The following PRKG1 variants were observed in gnomAD, a reference collection of about 807,000 sequenced individuals.
PRKG1 encodes protein kinase cGMP-dependent 1.
In PRKG1, 35 loss-of-function variants were observed where a neutral mutation model predicts 88.1. That is an observed-to-expected ratio of 0.40 (90% CI 0.30 to 0.53). The LOEUF is 0.53. Among genes scored for constraint, PRKG1 ranks in the 20% least tolerant of loss-of-function variants. The pLI, the probability that PRKG1 is intolerant of heterozygous loss-of-function variation, is 0.59. For missense variants in PRKG1, 540 were observed against 839.8 expected (o/e 0.64, Z 4.41); for synonymous variants, 303 against 292.5 (o/e 1.04, Z -0.37).
At chr10:51,945,596 G>A (rs1324912370) in intron 5 of PRKG1, among the ~76,000 whole-genome samples, 1 of 151,878 alleles carries the variant, frequency 6.6e-6, no homozygotes, top group Non-Finnish European at 1.5e-5. Context: ...GCTGGTATGG[G>A]TTGTTCCTTT....
At chr10:51,857,763 T>C (rs1330746683) in intron 4 of PRKG1, among the ~76,000 whole-genome samples, 1 of 152,116 alleles carries the variant, frequency 6.6e-6, no homozygotes, top group Non-Finnish European at 1.5e-5. Flanking sequence ...CAATGTTTTT[T>C]TTCTTCTCTT....
intron 2 of PRKG1, among the ~76,000 whole-genome samples, chr10:51,276,853 G>A (rs1437522936): frequency 6.6e-6 from 1 of 152,082 alleles, no homozygotes; most frequent in Non-Finnish European, 1.5e-5. Context: ...TGTAGATTCT[G>A]GATATTAGCC....
chr10:51,704,633 G>T (rs997077105), intron 3 of PRKG1, among the ~76,000 whole-genome samples: 3 of 152,144 alleles, frequency 2.0e-5, no homozygotes, highest in Admixed American at 6.5e-5. Flanking sequence ...TTATAATCTG[G>T]CATAGATAGG....
chr10:51,770,980 G>T (rs1838289277), intron 3 of PRKG1, among the ~76,000 whole-genome samples: 1 of 152,076 alleles, frequency 6.6e-6, no homozygotes, highest in South Asian at 2.1e-4. Flanking sequence ...AACCTACATG[G>T]TATAGCCTGC....
rs75992764 is a variant in PRKG1 at position 52,168,338 on chromosome 10, C to T, written c.1076+6375C>T. 7.3e-3 allele frequency among the ~76,000 whole-genome samples: 1,110 copies of T among 152,044 alleles called. 63 individuals are homozygous for T. The East Asian group carries it at 0.16, about 21-fold the overall frequency. On this transcript the variant is annotated intron_variant, in intron 9 of 17. Coordinates refer to ENST00000373980, the MANE Select transcript of PRKG1 (RefSeq NM_006258.4). The stretch of plus-strand genomic sequence containing the variant: ...GAGGTATGGAGAGCATTCTAGCTGG[C>T]GGAACAAATGGAAAGCATTCTACAT...
In PRKG1 at chr10:52,018,526, A is replaced by G. The variant is rs969332620; in HGVS notation, c.763-35958A>G. Among the ~76,000 whole-genome samples the G allele has an allele frequency of 2.6e-5, 4 of 152,184 alleles. No homozygotes were observed. In the East Asian group the frequency reaches 7.7e-4, roughly 29 times the overall value. ...AGGAATCATATGATTCTTGTACCAG[A>G]TTAGCTCTGTAACCAAAACAGTCAA... On this transcript the variant is annotated intron_variant, in intron 5 of 17. Transcript: ENST00000373980.
At chr10:51,924,030 T>C (rs1384208661) in intron 5 of PRKG1, among the ~76,000 whole-genome samples, 1 of 152,122 alleles carries the variant, frequency 6.6e-6, no homozygotes, top group East Asian at 1.9e-4. Flanking sequence ...GGTTTCACCA[T>C]GTTGCCCAGG....
rs745909150 is a variant in PRKG1, at chr10:51,550,016, G to C, written c.592+82180G>C. Among the ~76,000 whole-genome samples, 156 of 152,190 alleles carry C rather than the reference G, an allele frequency of 1.0e-3. 3 individuals are homozygous for C. In the Middle Eastern group the frequency reaches 0.044, roughly 43 times the overall value. On this transcript the variant is annotated intron_variant, in intron 3 of 17. Transcript: ENST00000373980. ...GCCAGGCTTATTTGAAATCAAGACA[G>C]TGTTTACTGATCATAATAGAATTGT...
At chr10:51,431,962 C>T (rs1007892423) in intron 2 of PRKG1, among the ~76,000 whole-genome samples, 1 of 152,096 alleles carries the variant, frequency 6.6e-6, no homozygotes, top group Non-Finnish European at 1.5e-5. Flanking sequence ...TTCACATTTA[C>T]AGCATGCACT....
intron 5 of PRKG1, among the ~76,000 whole-genome samples, chr10:52,037,428 G>T (rs1307593103): frequency 2.6e-5 from 4 of 152,182 alleles, no homozygotes; most frequent in Non-Finnish European, 5.9e-5. Context: ...TTTAATTTTT[G>T]GAGTTTTATT....
chr10:51,211,356 A>G (rs1243522649), intron 2 of PRKG1, among the ~76,000 whole-genome samples: 1 of 152,214 alleles, frequency 6.6e-6, no homozygotes, highest in Non-Finnish European at 1.5e-5. Flanking sequence ...TACAGCCAAT[A>G]TCATACTGAA....
At position 51,183,977 on chromosome 10, in the gene PRKG1, C is replaced by T. The variant is rs763134085; in HGVS notation, c.478+30647C>T. Among the ~76,000 whole-genome samples the T allele has an allele frequency of 2.0e-5, 3 of 152,302 alleles. 1 individual carries two copies. Among genetic ancestry groups the T allele is most frequent in the Admixed American group, 1.3e-4 (2 of 15,296 alleles). Reference sequence around the variant, plus strand: ...AGTTTCAACCTCATTATCTTTTCCACCCATCACTCTAGACAGGCATGACCA... The same window carrying T: ...AGTTTCAACCTCATTATCTTTTCCATCCATCACTCTAGACAGGCATGACCA... On this transcript the variant is annotated intron_variant, in intron 2 of 17. Coordinates refer to ENST00000373980, the MANE Select transcript of PRKG1 (RefSeq NM_006258.4).
chr10:52,158,533 T>A (rs1249271723), intron 8 of PRKG1, among the ~76,000 whole-genome samples: 2 of 151,656 alleles, frequency 1.3e-5, no homozygotes, highest in East Asian at 1.9e-4. Context: ...ATTATGCTTA[T>A]CAAGATGTCT....
chr10:51,698,331 T>C (rs763471233), intron 3 of PRKG1: 2 of 1,614,154 alleles, frequency 1.2e-6, no homozygotes, highest in Non-Finnish European at 1.7e-6. Context: ...CTACCATCCA[T>C]AGGTAGACCC....
At chr10:51,853,950 A>G (rs1383259902) in intron 4 of PRKG1, among the ~76,000 whole-genome samples, 1 of 152,070 alleles carries the variant, frequency 6.6e-6, no homozygotes, top group Non-Finnish European at 1.5e-5. Flanking sequence ...TTCAACCAGC[A>G]AGTGGTAAAA....
intron 1 of PRKG1, among the ~76,000 whole-genome samples, chr10:51,009,608 T>G (rs1037461806): frequency 6.6e-6 from 1 of 152,208 alleles, no homozygotes; most frequent in Non-Finnish European, 1.5e-5. Flanking sequence ...GTCTTATTAG[T>G]GAATTAGTTT....
intron 1 of PRKG1, among the ~76,000 whole-genome samples, chr10:51,090,732 C>G (rs575549525): frequency 6.6e-6 from 1 of 152,092 alleles, no homozygotes; most frequent in Non-Finnish European, 1.5e-5. Context: ...ACATTTGCAG[C>G]CACTATATAT....
intron 5 of PRKG1, among the ~76,000 whole-genome samples, chr10:52,029,613 C>T (rs1845428437): frequency 6.6e-6 from 1 of 152,140 alleles, no homozygotes. Flanking sequence ...TACTTTAGTG[C>T]CTGGTACTTG....
intron 3 of PRKG1, among the ~76,000 whole-genome samples, chr10:51,525,567 G>A (rs372093368): frequency 1.8e-4 from 27 of 152,120 alleles, no homozygotes; most frequent in Middle Eastern, 3.4e-3. Flanking sequence ...GTGTGGTGGC[G>A]GGGGCCTGTA....
Sources: gnomAD v4.1 joint callset for allele counts (sites outside exome capture counted in the v4.1 genomes callset) on GRCh38, gnomAD v4.1.1 for gene constraint, MANE v1.5 for transcripts, NCBI Gene and HGNC (gene_info 2026-07-23, HGNC 2026-07-21) for gene names.